The following IL1RAPL1 variants were observed in gnomAD, a reference collection of about 807,000 sequenced individuals.
IL1RAPL1 encodes interleukin 1 receptor accessory protein like 1, also known as interleukin-1 receptor accessory protein-like 1.
IL1RAPL1 carries 3 observed loss-of-function variants against 48.4 expected under a neutral mutation model. That is an observed-to-expected ratio of 0.06 (90% CI 0.03 to 0.16). IL1RAPL1 has a LOEUF of 0.16. IL1RAPL1 is among the 10% of genes least tolerant of loss of function. The pLI is 1.00. For missense variants in IL1RAPL1, 349 were observed against 530.6 expected (o/e 0.66, Z 3.36); for synonymous variants, 185 against 187.7 (o/e 0.99, Z 0.12).
intron 2 of IL1RAPL1, among the ~76,000 whole-genome samples, chrX:29,180,355 TCAAGAAGAAA>T (rs955657797): frequency 4.5e-5 from 5 of 110,754 alleles, no homozygotes; most frequent in African/African-American, 1.6e-4. Flanking sequence ...TTCTCTATTT[TCAAGAAGAAA>T]CTCATTATTA....
chrX:29,758,645 G>A (rs1158025159), intron 6 of IL1RAPL1, among the ~76,000 whole-genome samples: 1 of 108,185 alleles, frequency 9.2e-6, no homozygotes, highest in Non-Finnish European at 1.9e-5. Context: ...GCAGTGAGCC[G>A]AGATCACGCC....
At chrX:28,851,149 G>A (rs369290062) in intron 2 of IL1RAPL1, among the ~76,000 whole-genome samples, 3 of 106,729 alleles carry the variant, frequency 2.8e-5, no homozygotes, top group African/African-American at 1.0e-4. Flanking sequence ...CTTGGAAGAC[G>A]TGACACCCTG....
At chrX:28,723,876 T>G (rs1020858368) in intron 1 of IL1RAPL1, among the ~76,000 whole-genome samples, 3 of 112,017 alleles carry the variant, frequency 2.7e-5, no homozygotes, top group African/African-American at 9.8e-5. Context: ...AGAAGCAGGT[T>G]GTTCAGTTTC....
chrX:29,776,084 G>A (rs771027755), intron 6 of IL1RAPL1, among the ~76,000 whole-genome samples: 4 of 111,265 alleles, frequency 3.6e-5, no homozygotes, highest in African/African-American at 9.8e-5. Context: ...TCTCACTTCC[G>A]CTAGAATTGA....
At chrX:28,605,934 T>C (rs1211562418) in intron 1 of IL1RAPL1, among the ~76,000 whole-genome samples, 1 of 110,825 alleles carries the variant, frequency 9.0e-6, no homozygotes, top group Non-Finnish European at 1.9e-5. Context: ...CTCACTTCCA[T>C]CATTTTTGGC....
At chrX:29,316,793 G>A (rs752536127) in intron 3 of IL1RAPL1, among the ~76,000 whole-genome samples, 3 of 111,445 alleles carry the variant, frequency 2.7e-5, no homozygotes, top group Non-Finnish European at 5.7e-5. Context: ...GGGTCAGAGT[G>A]ACCTGTAGGG....
chrX:29,249,900 GAGAA>G lies in IL1RAPL1; in HGVS notation c.83-33030_83-33027del, dbSNP rs1931576157. Among the ~76,000 whole-genome samples the G allele has an allele frequency of 1.2e-4, 13 of 111,674 alleles. No homozygotes were observed. The South Asian group carries it at 4.4e-3, about 38-fold the overall frequency. Reference sequence around the variant, plus strand: ...AAACAGTGAAATAAAGGAAAGGCGTGAGAAAGAAAGATAAATGAAATTCCCAGGT... The same window carrying G: ...AAACAGTGAAATAAAGGAAAGGCGTGAGAAAGATAAATGAAATTCCCAGGT... On this transcript the variant is annotated intron_variant, in intron 2 of 10. Transcript: ENST00000378993.
intron 2 of IL1RAPL1, among the ~76,000 whole-genome samples, chrX:29,101,647 A>G (rs1373968265): frequency 8.9e-6 from 1 of 112,049 alleles, no homozygotes; most frequent in Non-Finnish European, 1.9e-5. Context: ...TAAAAAGATC[A>G]TTCATCAGCT....
chrX:28,902,942 T>G (rs1014592425), intron 2 of IL1RAPL1, among the ~76,000 whole-genome samples: 1 of 111,167 alleles, frequency 9.0e-6, no homozygotes, highest in Non-Finnish European at 1.9e-5. Flanking sequence ...TGATCTGAGG[T>G]GAAACAGTTT....
intron 1 of IL1RAPL1, among the ~76,000 whole-genome samples, chrX:28,607,210 C>T (rs749707200): frequency 9.5e-4 from 104 of 109,387 alleles, no homozygotes; most frequent in African/African-American, 3.3e-3. Flanking sequence ...GCATGCCAAA[C>T]CTTGGGTAAT....
rs1602333881 is a variant in IL1RAPL1, at chrX:29,627,483, T to C, written c.704-40947T>C. 2.7e-5 allele frequency among the ~76,000 whole-genome samples: 3 copies of C among 112,503 alleles called. No homozygotes were observed. In the East Asian group the frequency reaches 8.4e-4, roughly 31 times the overall value. ...CTAAAACCCTCTGTCCTTAACATTA[T>C]TCAAGAAAGTATGTAATGTACAATG... On this transcript the variant is annotated intron_variant, in intron 5 of 10. Transcript: ENST00000378993.
chrX:28,652,646 A>T (rs1329616413), intron 1 of IL1RAPL1, among the ~76,000 whole-genome samples: 2 of 111,685 alleles, frequency 1.8e-5, no homozygotes, highest in Non-Finnish European at 3.8e-5. Context: ...CAGCTGATGA[A>T]TCTCCAAGGA....
chrX:28,646,927 C>A (rs919912535), intron 1 of IL1RAPL1, among the ~76,000 whole-genome samples: 3 of 112,119 alleles, frequency 2.7e-5, no homozygotes, highest in Non-Finnish European at 5.6e-5. Flanking sequence ...CCCTTAGTTC[C>A]CCAGTAGCCT....
chrX:29,293,414 A>G (rs1041601132), intron 3 of IL1RAPL1, among the ~76,000 whole-genome samples: 1 of 110,681 alleles, frequency 9.0e-6, no homozygotes, highest in African/African-American at 3.3e-5. Flanking sequence ...AGCTTTGAGA[A>G]CTCTTTGAAA....
intron 6 of IL1RAPL1, among the ~76,000 whole-genome samples, chrX:29,823,818 C>T (rs955248412): frequency 6.3e-5 from 7 of 111,625 alleles, no homozygotes; most frequent in African/African-American, 2.3e-4. Context: ...AATTTGATTT[C>T]ATTTGCTGTT....
intron 6 of IL1RAPL1, among the ~76,000 whole-genome samples, chrX:29,878,385 C>T (rs1013774384): frequency 8.9e-6 from 1 of 112,112 alleles, no homozygotes. Context: ...CAATTCTCCC[C>T]CTTTGGGTTT....
chrX:29,213,245 G>A (rs1291514559), intron 2 of IL1RAPL1, among the ~76,000 whole-genome samples: 4 of 111,562 alleles, frequency 3.6e-5, no homozygotes, highest in African/African-American at 6.5e-5. Context: ...TGATCTGCCC[G>A]CCTCAGCCTC....
At chrX:29,359,376 T>C (rs1371219567) in intron 3 of IL1RAPL1, among the ~76,000 whole-genome samples, 1 of 111,499 alleles carries the variant, frequency 9.0e-6, no homozygotes, top group Admixed American at 9.6e-5. Flanking sequence ...TAATTATAGC[T>C]CAGTGACTTC....
At chrX:29,085,805 G>T (rs751942220) in intron 2 of IL1RAPL1, among the ~76,000 whole-genome samples, 1 of 111,933 alleles carries the variant, frequency 8.9e-6, no homozygotes, top group African/African-American at 3.2e-5. Flanking sequence ...GTTGTGGCCC[G>T]CTAGAAATGC....
Sources: allele counts gnomAD v4.1 joint callset (sites outside exome capture counted in the v4.1 genomes callset), GRCh38; gene constraint gnomAD v4.1.1; transcripts MANE v1.5; gene names NCBI Gene and HGNC (gene_info 2026-07-23, HGNC 2026-07-21).